The following SLC13A1 variants were observed in gnomAD, a reference collection of about 807,000 sequenced individuals.
SLC13A1 encodes the protein solute carrier family 13 member 1, also known as Na(+)/sulfate cotransporter.
In SLC13A1, 65 loss-of-function variants were observed where a neutral mutation model predicts 70.0. The ratio of observed to expected loss-of-function variants is 0.93; its 90% CI spans 0.76 to 1.14. The LOEUF (loss-of-function observed/expected upper bound fraction) is 1.14, where lower values mean the gene tolerates loss of function less well. Ranked by LOEUF, SLC13A1 falls within the 50% of genes most tolerant of loss-of-function variation. The probability of loss-of-function intolerance (pLI) is 0.00; values close to 1 mark genes in which losing one functional copy is unlikely to be tolerated. For synonymous variants in SLC13A1, 275 were observed against 250.5 expected (o/e 1.10, Z -0.92); for missense variants, 726 against 717.8 (o/e 1.01, Z -0.13).
At chr7:123,122,225 G>C (rs1024843311) in intron 12 of SLC13A1, among the ~76,000 whole-genome samples, 8 of 152,246 alleles carry the variant, frequency 5.3e-5, no homozygotes, top group East Asian at 3.9e-4. Flanking sequence ...ATCAAGAAGA[G>C]AAGAGACAGT....
At chr7:123,147,123 C>A in intron 7 of SLC13A1, 36 bp downstream of exon 7, 1 of 1,599,280 alleles carries the variant, frequency 6.3e-7, no homozygotes, top group South Asian at 1.1e-5. Flanking sequence ...TTGTGCTGCC[C>A]TTATGTTAAA....
intron 11 of SLC13A1, among the ~76,000 whole-genome samples, chr7:123,125,168 C>T (rs1170849700): frequency 6.6e-6 from 1 of 152,136 alleles, no homozygotes. Context: ...TGTAAATACT[C>T]TTTCTCTTGA....
intron 7 of SLC13A1, among the ~76,000 whole-genome samples, chr7:123,145,547 T>G (rs1264071799): frequency 1.3e-5 from 2 of 152,182 alleles, no homozygotes; most frequent in Non-Finnish European, 2.9e-5. Context: ...CTTGGAGAAT[T>G]CATGAGAAAG....
At chr7:123,153,586 T>C (rs1794625601) in intron 6 of SLC13A1, among the ~76,000 whole-genome samples, 1 of 151,960 alleles carries the variant, frequency 6.6e-6, no homozygotes, top group Non-Finnish European at 1.5e-5. Flanking sequence ...GGCACTGAGC[T>C]GAAAAATAGG....
intron 6 of SLC13A1, chr7:123,148,695 A>T (rs1431288013): frequency 4.0e-6 from 1 of 248,578 alleles, no homozygotes; most frequent in Non-Finnish European, 8.1e-6. Flanking sequence ...TGCCCTATTT[A>T]ATAAGAAAAA....
intron 1 of SLC13A1, chr7:123,186,850 C>T (rs542996994): frequency 2.4e-6 from 1 of 420,150 alleles, no homozygotes; most frequent in East Asian, 7.4e-5. Context: ...ATAATGTGTA[C>T]TTTTATCTTG....
intron 8 of SLC13A1, among the ~76,000 whole-genome samples, chr7:123,132,430 G>C (rs1793795344): frequency 6.6e-6 from 1 of 152,112 alleles, no homozygotes; most frequent in Non-Finnish European, 1.5e-5. Flanking sequence ...GGAGTGCAAT[G>C]GTGCGATCTC....
rs375557102 is a variant in SLC13A1 at position 123,188,975 on chromosome 7, T to C, written c.100-7874A>G. ...CTAAAAATACAAAAAATTAGCCGGG[T>C]GTAGTGGCGGGCGCCTGTAGTCCCA... On this transcript the variant is annotated intron_variant, in intron 1 of 14. Transcript: ENST00000194130. Among the ~76,000 whole-genome samples, 1,478 of 149,982 alleles carry C rather than the reference T, an allele frequency of 9.9e-3. 25 individuals are homozygous for C. The highest frequency in any genetic ancestry group is 0.033 in the African/African-American group (1,347 of 40,932).
chr7:123,196,724 G>T (rs903647474), intron 1 of SLC13A1, among the ~76,000 whole-genome samples: 2 of 152,024 alleles, frequency 1.3e-5, no homozygotes, highest in Admixed American at 1.3e-4. Context: ...GTCAATTGAG[G>T]AAATGGTTAA....
In SLC13A1 at chr7:123,125,663, A is replaced by G; in HGVS notation, c.1146T>C (p.Phe382=). The change falls in exon 11 of 15, where the codon TTT becomes TTC. Residue 382 remains phenylalanine, a synonymous_variant. Transcript: ENST00000194130. ...WSALFSEYPG[F]ATDSTVALLI... is the part of the protein sequence containing the mutation. The stretch of plus-strand genomic sequence containing the variant: ...GTAAAGCAACAGTTGAATCTGTAGC[A>G]AAACCAGGGTACCTGTAAAAGGGAC... The G allele has an allele frequency of 6.2e-7, 1 of 1,612,110 alleles. No homozygotes were observed. The highest frequency in any genetic ancestry group is 2.2e-5 in the East Asian group (1 of 44,846).
chr7:123,123,221 A>C lies in SLC13A1; in HGVS notation c.1255T>G (p.Ser419Ala), dbSNP rs1484173259. ...PTGEIVAFDY[S>A]PLITWKEFQS... Reference sequence around the variant, plus strand: ...AATTCTTTCCAAGTAATCAGTGGAGAGTAATCAAAAGCAACTGCAAAACAA... The same window carrying C: ...AATTCTTTCCAAGTAATCAGTGGAGCGTAATCAAAAGCAACTGCAAAACAA... Residue 419 changes from serine to alanine, a missense_variant, in exon 12 of 15, where the codon TCT (serine) becomes GCT (alanine). Coordinates refer to ENST00000194130, the MANE Select transcript of SLC13A1 (RefSeq NM_022444.4). 1 of 1,611,852 alleles carries C rather than the reference A, an allele frequency of 6.2e-7. No individual in the cohort carries two copies. Among genetic ancestry groups the C allele is most frequent in the East Asian group, 2.2e-5 (1 of 44,854 alleles).
At chr7:123,173,865 T>C (rs1301433881) in intron 2 of SLC13A1, among the ~76,000 whole-genome samples, 2 of 152,056 alleles carry the variant, frequency 1.3e-5, no homozygotes, top group South Asian at 2.1e-4. Flanking sequence ...CCCAATTTTC[T>C]ACACTCTGTC....
chr7:123,119,324 T>C (rs1793295273), intron 12 of SLC13A1, 82 bp from the exon 13 acceptor site: 2 of 994,036 alleles, frequency 2.0e-6, no homozygotes, highest in Non-Finnish European at 2.9e-6. Flanking sequence ...AAAAACATTA[T>C]TTCCTTTGAA....
At chr7:123,157,852 T>A (rs1268448177) in intron 6 of SLC13A1, among the ~76,000 whole-genome samples, 1 of 152,078 alleles carries the variant, frequency 6.6e-6, no homozygotes, top group African/African-American at 2.4e-5. Flanking sequence ...AGGCCAAATG[T>A]GTGTGGGGAA....
At chr7:123,125,527 C>A in intron 11 of SLC13A1, 42 bp downstream of exon 11, 1 of 1,414,422 alleles carries the variant, frequency 7.1e-7, no homozygotes, top group Non-Finnish European at 9.9e-7. Flanking sequence ...GTAATTTTTG[C>A]TCTTCTGTTA....
chr7:123,150,431 T>C (rs537375769), intron 6 of SLC13A1, among the ~76,000 whole-genome samples: 3 of 152,148 alleles, frequency 2.0e-5, no homozygotes, highest in African/African-American at 4.8e-5. Flanking sequence ...CTACAGACTA[T>C]TGGAATTTTC....
chr7:123,161,606 C>G (rs547807823), intron 6 of SLC13A1, among the ~76,000 whole-genome samples: 1 of 152,262 alleles, frequency 6.6e-6, no homozygotes, highest in African/African-American at 2.4e-5. Context: ...CTGCAAGTTT[C>G]CAGTGCTGGA....
chr7:123,165,444 T>G (rs530160642), intron 6 of SLC13A1, among the ~76,000 whole-genome samples: 9 of 152,140 alleles, frequency 5.9e-5, no homozygotes, highest in Non-Finnish European at 1.0e-4. Flanking sequence ...AGTTCTGCAT[T>G]CTAATCAATG....
rs1223541255 is a variant in SLC13A1, at chr7:123,114,736, T to C, written c.*782A>G. ...ATAGTGTTCAGCTTTCCTTTCTAAC[T>C]ATACTGTACTAATAGTGCAAATCAT... On this transcript the variant is annotated 3_prime_UTR_variant, in exon 15 of 15. Transcript: ENST00000194130. The C allele has an allele frequency of 1.3e-5, 2 of 152,212 alleles. No homozygotes were observed. The highest frequency in any genetic ancestry group is 6.5e-5 in the Admixed American group (1 of 15,280). The allele number at this position is 152,212 out of a possible 1,614,324, so 9.4% of individuals were successfully genotyped here. A position where few individuals can be genotyped will look rare whatever the true frequency, so the allele number is the denominator to read the frequency against.
Sources: allele counts gnomAD v4.1 joint callset (sites outside exome capture counted in the v4.1 genomes callset), GRCh38; gene constraint gnomAD v4.1.1; transcripts MANE v1.5; gene names NCBI Gene and HGNC (gene_info 2026-07-23, HGNC 2026-07-21).